Variants in INF2 observed in about 807,000 individuals in gnomAD.
INF2 encodes the protein inverted formin-2.
In INF2, 43 loss-of-function variants were observed where a neutral mutation model predicts 123.5. That is an observed-to-expected ratio of 0.35 (90% CI 0.27 to 0.45). The LOEUF (loss-of-function observed/expected upper bound fraction) is 0.45, where lower values mean the gene tolerates loss of function less well. Ranked by LOEUF, INF2 falls within the 20% of genes least tolerant of loss-of-function variation. The probability of loss-of-function intolerance (pLI) is 1.00; values close to 1 mark genes in which losing one functional copy is unlikely to be tolerated. For missense variants in INF2, 1,453 were observed against 1,682.7 expected (o/e 0.86, Z 2.39); for synonymous variants, 851 against 745.0 (o/e 1.14, Z -2.32).
Position 104,711,504 on chromosome 14 carries a change from T to C in INF2, c.2419-125T>C, listed in dbSNP as rs553026269. Reference sequence around the variant, plus strand: ...CAGGCCCAAGGGAAAGATTTGAGGGTCTGGAGTACTGGGGGTTTTCTGGAC... The same window carrying C: ...CAGGCCCAAGGGAAAGATTTGAGGGCCTGGAGTACTGGGGGTTTTCTGGAC... On this transcript the variant is annotated intron_variant, in intron 15 of 22. Coordinates refer to ENST00000392634, the MANE Select transcript of INF2 (RefSeq NM_022489.4). 4.2e-5 allele frequency: 35 copies of C among 831,282 alleles called. No individual in the cohort carries two copies. In the South Asian group the frequency reaches 4.5e-4, roughly 11 times the overall value. The allele number at this position is 831,282 out of a possible 1,614,324, so 51.5% of individuals were successfully genotyped here. A position where few individuals can be genotyped will look rare whatever the true frequency, so the allele number is the denominator to read the frequency against.
At chr14:104,707,134 T>A (rs1889817852) in intron 7 of INF2, 83 bp downstream of exon 7, 1 of 1,511,838 alleles carries the variant, frequency 6.6e-7, no homozygotes, top group African/African-American at 1.4e-5. Context: ...AGCCTGCCCT[T>A]GGCCCCAACC....
At chr14:104,708,352 C>T in intron 8 of INF2, 84 bp from the exon 9 acceptor site, 4 of 1,551,226 alleles carry the variant, frequency 2.6e-6, no homozygotes, top group Non-Finnish European at 3.5e-6. Context: ...CCTTTAGACC[C>T]TCTGGGAGGC....
Position 104,714,810 on chromosome 14 carries a change from G to A in INF2, c.3648G>A (p.Lys1216=), listed in dbSNP as rs139196357. Residue 1216 remains lysine, a synonymous_variant, in exon 21 of 23, where the codon AAG becomes AAA. Transcript: ENST00000392634. ...TLPRARGRAS[K]GTGKRRKKRP... The stretch of plus-strand genomic sequence containing the variant: ...CCAGGGCCCGGGGCCGGGCCTCAAA[G>A]GGGACCGGGAAGCGAAGGAAGAAGC... 2.3e-4 allele frequency: 364 copies of A among 1,596,204 alleles called. No homozygotes were observed. Among genetic ancestry groups the A allele is most frequent in the Non-Finnish European group, 3.1e-4 (360 of 1,173,728 alleles).
At chr14:104,692,236 G>A (rs1888987278) in intron 1 of INF2, among the ~76,000 whole-genome samples, 2 of 152,234 alleles carry the variant, frequency 1.3e-5, no homozygotes, top group South Asian at 2.1e-4. Context: ...CCAGTGCGAC[G>A]TGGGTCCTGC....
rs775722486 is a variant in INF2 at position 104,703,910 on chromosome 14, T to C, written c.668-6T>C. 1 of 1,611,158 alleles carries C rather than the reference T, an allele frequency of 6.2e-7. No homozygotes were observed. The highest frequency in any genetic ancestry group is 8.5e-7 in the Non-Finnish European group (1 of 1,179,916). ...GAACCCTCTGACCCTGTCCGTCCCTTCCCAGGGCTGCAGCTGCTGGACGTC... is the reference window on the plus strand; with the variant it reads ...GAACCCTCTGACCCTGTCCGTCCCTCCCCAGGGCTGCAGCTGCTGGACGTC... On this transcript the variant is annotated splice_polypyrimidine_tract_variant and splice_region_variant and intron_variant, in intron 4 of 22. Transcript: ENST00000392634.
At chr14:104,691,280 G>A (rs1595151696) in intron 1 of INF2, 2 of 152,332 alleles carry the variant, frequency 1.3e-5, no homozygotes, top group Admixed American at 1.3e-4. Context: ...AAAGTTATGC[G>A]GTTCATGCAG....
In INF2 at chr14:104,706,817, G is replaced by T. The variant is rs566466833; in HGVS notation, c.844-93G>T. 1.1e-4 allele frequency: 164 copies of T among 1,433,124 alleles called. 5 individuals are homozygous for T. The South Asian group carries it at 2.0e-3, about 18-fold the overall frequency. 88.8% of individuals were successfully genotyped at this position (1,433,124 alleles called of 1,614,324 possible). A position where few individuals can be genotyped will look rare whatever the true frequency, so the allele number is the denominator to read the frequency against. Reference sequence around the variant, plus strand: ...AGGGATCCGTGGGAATAGAGGGGGTGATGGGGCTGGACACCCTGGCAGACA... The same window carrying T: ...AGGGATCCGTGGGAATAGAGGGGGTTATGGGGCTGGACACCCTGGCAGACA... On this transcript the variant is annotated intron_variant, in intron 6 of 22. Transcript: ENST00000392634.
intron 12 of INF2, 84 bp downstream of exon 12, chr14:104,709,789 G>A (rs1889958539): frequency 2.4e-6 from 3 of 1,253,470 alleles, no homozygotes; most frequent in Middle Eastern, 2.0e-4. Context: ...CAGCCAGGGA[G>A]GAGAAGAGGC....
Position 104,707,394 on chromosome 14 carries a change from C to G in INF2, c.1127C>G (p.Thr376Ser). Residue 376 changes from threonine (T) to serine (S), a missense_variant, in exon 8 of 23, where the codon ACT becomes AGT. Transcript: ENST00000392634. ...CAGAGGGGCAGCTCCCCGCAAAACACTACAACCCCCAAGCCCAGCGTGGAG... is the reference window on the plus strand; with the variant it reads ...CAGAGGGGCAGCTCCCCGCAAAACAGTACAACCCCCAAGCCCAGCGTGGAG... ...QSQRGSSPQN[T>S]TTPKPSVEGQ... The G allele has an allele frequency of 6.3e-7, 1 of 1,589,446 alleles. No individual in the cohort carries two copies. The highest frequency in any genetic ancestry group is 8.6e-7 in the Non-Finnish European group (1 of 1,169,408).
rs1224743271 is a variant in INF2, at chr14:104,683,601, GC to G, written c.-104+2025del. Among the ~76,000 whole-genome samples the G allele has an allele frequency of 4.8e-5, 5 of 104,394 alleles. No individual in the cohort carries two copies. In the East Asian group the frequency reaches 1.1e-3, roughly 22 times the overall value. The allele number at this position is 104,394 out of a possible 152,430, so 68.5% of individuals were successfully genotyped here. A position where few individuals can be genotyped will look rare whatever the true frequency, so the allele number is the denominator to read the frequency against. On this transcript the variant is annotated intron_variant, in intron 1 of 2. Transcript: ENST00000674723. The stretch of plus-strand genomic sequence containing the variant: ...CCATTCATAAATACTTCTGAAACCC[GC>G]CCCCCTCCCCACCACACACACACAG...
intron 17 of INF2, 39 bp downstream of exon 17, chr14:104,712,592 T>A (rs761547442): frequency 1.2e-6 from 2 of 1,612,028 alleles, no homozygotes; most frequent in Admixed American, 3.3e-5. Context: ...CGGGAGAGGC[T>A]GCCCTGATAG....
In INF2 at chr14:104,707,760, G is replaced by T. The variant is rs2140669360; in HGVS notation, c.1493G>T (p.Gly498Val). The change falls in exon 8 of 23, where the codon GGA (glycine) becomes GTA (valine). Residue 498 changes from glycine to valine, a missense_variant. Gly to Val is a moderately radical substitution (Grantham distance 109). This residue lies in a region of INF2 where 374 missense variants were observed against 303.7 expected (regional missense o/e 1.23). Transcript: ENST00000392634. ...CCACCTCCACCACTCCCGGGCTTGGGATGCCCGCCCCCACCCCCACCCCTG... is the reference window on the plus strand; with the variant it reads ...CCACCTCCACCACTCCCGGGCTTGGTATGCCCGCCCCCACCCCCACCCCTG... ...PPPPPPLPGL[G>V]CPPPPPPLLP... The T allele has an allele frequency of 1.2e-5, 16 of 1,324,798 alleles. No individual in the cohort carries two copies. The highest frequency in any genetic ancestry group is 2.6e-4 in the Middle Eastern group (1 of 3,910). 82.1% of individuals were successfully genotyped at this position (1,324,798 alleles called of 1,614,324 possible).
intron 1 of INF2, among the ~76,000 whole-genome samples, chr14:104,696,805 A>C (rs4334222): frequency 2.7e-5 from 4 of 150,388 alleles, no homozygotes; most frequent in Admixed American, 1.3e-4. Context: ...CGTTCTGCCC[A>C]CCCACCCCGT....
At chr14:104,687,576 A>C (rs548456784), upstream of INF2, among the ~76,000 whole-genome samples, 1 of 152,044 alleles carries the variant, frequency 6.6e-6, no homozygotes, top group South Asian at 2.1e-4. The surrounding 1 kb of genome is among the most constrained non-coding windows in gnomAD (Gnocchi z 5.6). Context: ...CCTCTCTCCA[A>C]CTAAATCACA....
chr14:104,683,978 C>T, intron 1 of INF2: 3 of 452,726 alleles, frequency 6.6e-6, no homozygotes, highest in Non-Finnish European at 1.3e-5. Context: ...AGGAGCACCT[C>T]CAGGGAGCCC....
exon 1 of INF2, chr14:104,681,271 A>G (rs1396691087): frequency 8.2e-6 from 3 of 365,824 alleles, no homozygotes; most frequent in African/African-American, 2.1e-5. Context: ...TAGGGGCCTC[A>G]TCAATGCCCC....
At chr14:104,717,552 T>C (rs1595184388) in intron 22 of INF2, 2 of 152,402 alleles carry the variant, frequency 1.3e-5, no homozygotes, top group Non-Finnish European at 1.5e-5. Context: ...CTTCAGTCTC[T>C]TTTGTTCTAG....
rs1439820692 is a variant in INF2 at position 104,710,184 on chromosome 14, C to T, written c.2235C>T (p.Cys745=). The T allele has an allele frequency of 1.7e-5, 26 of 1,546,606 alleles. No individual in the cohort carries two copies. Among genetic ancestry groups the T allele is most frequent in the Non-Finnish European group, 1.7e-5 (20 of 1,146,134 alleles). ...AGGCCCAGCTGGTGCTGGCTGCCTG[C>T]GAAAGTGAGTGGGGCCAAGCGGGGC... ...RPKAQLVLAA[C]ESLLTSRQLP... The change falls in exon 13 of 23, where the codon TGC becomes TGT. Residue 745 remains cysteine (C), a synonymous_variant. Coordinates refer to ENST00000392634, the MANE Select transcript of INF2 (RefSeq NM_022489.4).
At chr14:104,692,212 C>G (rs151161006) in intron 1 of INF2, among the ~76,000 whole-genome samples, 2,789 of 152,358 alleles carry the variant, frequency 0.018, 41 homozygotes, top group Middle Eastern at 0.044. Context: ...CACGGTCTCC[C>G]ACCCTCATCC....
Sources: allele counts gnomAD v4.1 joint callset (sites outside exome capture counted in the v4.1 genomes callset), GRCh38; gene constraint gnomAD v4.1.1; regional missense constraint gnomAD v4.1.1; non-coding constraint Gnocchi (gnomAD v3.1); transcripts MANE v1.5; gene names NCBI Gene and HGNC (gene_info 2026-07-23, HGNC 2026-07-21).